Variants in CDC42SE2 observed in about 807,000 individuals in gnomAD.
CDC42SE2 encodes CDC42 small effector 2.
CDC42SE2 carries 3 observed loss-of-function variants against 11.5 expected under a neutral mutation model. The observed-to-expected ratio is 0.26, with a 90% CI of 0.12 to 0.67. The LOEUF (loss-of-function observed/expected upper bound fraction) is 0.67. CDC42SE2 is among the 30% of genes least tolerant of loss of function. The probability of loss-of-function intolerance (pLI) is 0.80; values close to 1 mark genes in which losing one functional copy is unlikely to be tolerated. For missense variants in CDC42SE2, 82 were observed against 106.8 expected (o/e 0.77, Z 1.02); for synonymous variants, 33 against 34.8 (o/e 0.95, Z 0.18).
At chr5:131,290,017 ATTTTAC>A (rs1241528924) in intron 1 of CDC42SE2, among the ~76,000 whole-genome samples, 3 of 151,716 alleles carry the variant, frequency 2.0e-5, no homozygotes. Flanking sequence ...TAATTATTTT[ATTTTAC>A]TTTTGTAGAG....
the CDC42SE2 span, among the ~76,000 whole-genome samples, chr5:131,212,458 G>A: frequency 1.3e-5 from 2 of 152,074 alleles, no homozygotes; most frequent in Non-Finnish European, 2.9e-5. Context: ...CCTACCCAAA[G>A]TCCCTGGAAC....
In CDC42SE2 at chr5:131,352,559, A is replaced by AC. The variant is rs1197242829; in HGVS notation, c.-285-6648dup. Among the ~76,000 whole-genome samples the AC allele has an allele frequency of 1.8e-4, 28 of 152,298 alleles. 2 individuals are homozygous for AC. In the South Asian group the frequency reaches 4.6e-3, roughly 25 times the overall value. On this transcript the variant is annotated intron_variant, in intron 2 of 4. Transcript: ENST00000505065. ...TTTTGATAATTATATGTGCATCCCT[A>AC]CCTCAGTCTTTTATAACTGAGTTCA... is the stretch of plus-strand genomic sequence containing the variant.
intron 1 of CDC42SE2, among the ~76,000 whole-genome samples, chr5:131,271,035 GCTGACTCTT>G: frequency 6.6e-6 from 1 of 152,176 alleles, no homozygotes; most frequent in East Asian, 1.9e-4. Context: ...GTTGTGCAAA[GCTGACTCTT>G]TCTTCAGGAG....
chr5:131,216,938 A>G, the CDC42SE2 span, among the ~76,000 whole-genome samples: 597 of 152,316 alleles, frequency 3.9e-3, 7 homozygotes, highest in African/African-American at 0.014. Context: ...TAGATACTTA[A>G]AAAAGAGCCA....
At position 131,393,043 on chromosome 5, in the gene CDC42SE2, C is replaced by CTGT. The variant is rs547836056; in HGVS notation, c.*1954_*1956dup. 6.6e-6 allele frequency: 1 copy of CTGT among 152,346 alleles called. No individual in the cohort carries two copies. The highest frequency in any genetic ancestry group is 2.1e-4 in the South Asian group (1 of 4,836). 9.4% of individuals were successfully genotyped at this position (152,346 alleles called of 1,614,324 possible). A position where few individuals can be genotyped will look rare whatever the true frequency, so the allele number is the denominator to read the frequency against. On this transcript the variant is annotated 3_prime_UTR_variant, in exon 5 of 5. Transcript: ENST00000505065. Reference sequence around the variant, plus strand: ...TATTTCTGTAAAGGTTTCTTCTTTTCTGTTAGAGTGTGGTGTTAAGCCAGA... The same window carrying CTGT: ...TATTTCTGTAAAGGTTTCTTCTTTTCTGTTGTTAGAGTGTGGTGTTAAGCCAGA...
chr5:131,221,147 G>A, the CDC42SE2 span, among the ~76,000 whole-genome samples: 1 of 152,062 alleles, frequency 6.6e-6, no homozygotes, highest in African/African-American at 2.4e-5. Flanking sequence ...TGGCCTCCCA[G>A]AGTGCTAAGA....
chr5:131,282,210 A>G (rs1227741372), intron 1 of CDC42SE2, among the ~76,000 whole-genome samples: 1 of 152,230 alleles, frequency 6.6e-6, no homozygotes, highest in Non-Finnish European at 1.5e-5. Flanking sequence ...CCAAAATTGT[A>G]AGAAAGTCCA....
At chr5:131,260,161 T>A (rs916985484), upstream of CDC42SE2, among the ~76,000 whole-genome samples, 1 of 152,210 alleles carries the variant, frequency 6.6e-6, no homozygotes, top group African/African-American at 2.4e-5. Context: ...ATATTATTGG[T>A]CTTATTAAAC....
chr5:131,278,751 T>C (rs1381368841), intron 1 of CDC42SE2, among the ~76,000 whole-genome samples: 1 of 5,062 alleles, frequency 2.0e-4, no homozygotes, highest in Admixed American at 2.9e-3. Context: ...CCCCCTCCCC[T>C]CCCCTCTCCT....
chr5:131,276,064 C>T (rs948270548), intron 1 of CDC42SE2, among the ~76,000 whole-genome samples: 1 of 151,258 alleles, frequency 6.6e-6, no homozygotes, highest in Admixed American at 6.6e-5. Flanking sequence ...AAATTAATGA[C>T]TTGTGAAGTT....
At chr5:131,308,762 A>T (rs1369802392) in intron 1 of CDC42SE2, among the ~76,000 whole-genome samples, 1 of 151,036 alleles carries the variant, frequency 6.6e-6, no homozygotes, top group Admixed American at 6.6e-5. Flanking sequence ...TTGTTGGTGT[A>T]TAAGAATGCT....
At chr5:131,352,448 C>T (rs1406844351) in intron 2 of CDC42SE2, among the ~76,000 whole-genome samples, 1 of 151,974 alleles carries the variant, frequency 6.6e-6, no homozygotes, top group East Asian at 1.9e-4. Context: ...AGAGTGCATG[C>T]TGTATAATTA....
chr5:131,324,290 T>C (rs969081586), intron 2 of CDC42SE2, among the ~76,000 whole-genome samples: 1 of 152,328 alleles, frequency 6.6e-6, no homozygotes, highest in Middle Eastern at 3.4e-3. Context: ...GCTCTCTCCT[T>C]CATGGCTGTT....
intron 2 of CDC42SE2, among the ~76,000 whole-genome samples, chr5:131,351,048 T>G (rs1758997520): frequency 1.3e-5 from 2 of 152,068 alleles, no homozygotes; most frequent in South Asian, 4.1e-4. Context: ...CAGGCTCAAG[T>G]GATCCTCCTG....
chr5:131,272,071 C>T (rs1295499803), intron 1 of CDC42SE2, among the ~76,000 whole-genome samples: 5 of 152,042 alleles, frequency 3.3e-5, no homozygotes, highest in Admixed American at 1.3e-4. Flanking sequence ...AGTGCAGTGG[C>T]GCGATCTTGG....
intron 1 of CDC42SE2, among the ~76,000 whole-genome samples, chr5:131,264,421 A>C (rs1303262171): frequency 6.6e-6 from 1 of 152,120 alleles, no homozygotes; most frequent in East Asian, 1.9e-4. Flanking sequence ...TTACACGCTC[A>C]GTTCAGAATT....
intron 1 of CDC42SE2, among the ~76,000 whole-genome samples, chr5:131,282,414 G>A (rs1757254684): frequency 6.6e-6 from 1 of 152,164 alleles, no homozygotes; most frequent in Non-Finnish European, 1.5e-5. Context: ...GTTCAGACCT[G>A]AGTACAGTGA....
chr5:131,297,154 ATT>A (rs1215362714), intron 1 of CDC42SE2, among the ~76,000 whole-genome samples: 1 of 67,414 alleles, frequency 1.5e-5, no homozygotes, highest in African/African-American at 7.0e-5. Context: ...AATACTTTAT[ATT>A]CTTTTTTTTT....
At chr5:131,244,673 A>G (rs938440693), upstream of CDC42SE2, among the ~76,000 whole-genome samples, 1 of 152,116 alleles carries the variant, frequency 6.6e-6, no homozygotes, top group African/African-American at 2.4e-5. Flanking sequence ...ATCATGCCAC[A>G]GTACCGCAGC....
Sources: gnomAD v4.1 joint callset for allele counts (sites outside exome capture counted in the v4.1 genomes callset) on GRCh38, gnomAD v4.1.1 for gene constraint, MANE v1.5 for transcripts, NCBI Gene and HGNC (gene_info 2026-07-23, HGNC 2026-07-21) for gene names.